DSCAML1: variants seen among roughly 807,000 people sequenced by gnomAD.
DSCAML1 encodes DS cell adhesion molecule like 1, also known as cell adhesion molecule DSCAML1.
DSCAML1 carries 38 observed loss-of-function variants against 200.5 expected under a neutral mutation model. The ratio of observed to expected loss-of-function variants is 0.19; its 90% confidence interval spans 0.15 to 0.25. The LOEUF (loss-of-function observed/expected upper bound fraction) is 0.25. Among genes scored for constraint, DSCAML1 ranks in the 10% least tolerant of loss-of-function variants. DSCAML1 has a pLI of 1.00. For synonymous variants in DSCAML1, 1,215 were observed against 1,165.0 expected (o/e 1.04, Z -0.87); for missense variants, 2,223 against 2,858.8 (o/e 0.78, Z 5.07).
chr11:117,564,797 G>A (rs987115974), intron 3 of DSCAML1, among the ~76,000 whole-genome samples: 1 of 141,644 alleles, frequency 7.1e-6, no homozygotes, highest in East Asian at 2.1e-4. Context: ...ATGGAGTCTC[G>A]CTCTGTCACC....
At chr11:117,540,517 AC>A (rs201535072) in intron 3 of DSCAML1, among the ~76,000 whole-genome samples, 2,954 of 152,222 alleles carry the variant, frequency 0.019, 62 homozygotes, top group South Asian at 0.091. Flanking sequence ...ACTGAACTTA[AC>A]CCTTAAAAAT....
chr11:117,481,755 G>T (rs757639303), intron 12 of DSCAML1, among the ~76,000 whole-genome samples: 134 of 152,122 alleles, frequency 8.8e-4, no homozygotes, highest in Non-Finnish European at 1.6e-3. Flanking sequence ...GATTGCTGTG[G>T]GGTTGTCAGA....
intron 3 of DSCAML1, among the ~76,000 whole-genome samples, chr11:117,676,806 G>A (rs189271807): frequency 1.3e-5 from 2 of 152,366 alleles, no homozygotes; most frequent in Admixed American, 6.5e-5. Context: ...AGAGGGCCCA[G>A]TGTTATGCCT....
intron 3 of DSCAML1, among the ~76,000 whole-genome samples, chr11:117,715,396 T>A (rs981413039): frequency 6.6e-6 from 1 of 152,182 alleles, no homozygotes; most frequent in African/African-American, 2.4e-5. Flanking sequence ...CGTAGCCCAG[T>A]CTCTGTATAG....
intron 3 of DSCAML1, among the ~76,000 whole-genome samples, chr11:117,589,495 G>A (rs1369707666): frequency 1.3e-5 from 2 of 152,086 alleles, no homozygotes; most frequent in African/African-American, 2.4e-5. Context: ...TCTTAGACAC[G>A]GCAAATGGTT....
At position 117,776,694 on chromosome 11, in the gene DSCAML1, T is replaced by C. The variant is rs569919064; in HGVS notation, c.511+97A>G. ...TCACTCCCCAGAGCCAACCTCAAGA[T>C]CTTATTGAGCTCAACAACCAGCTCA... On this transcript the variant is annotated intron_variant, in intron 3 of 32. Coordinates refer to ENST00000651296, the MANE Select transcript of DSCAML1 (RefSeq NM_020693.4). The C allele has an allele frequency of 2.3e-5, 33 of 1,446,314 alleles. No individual in the cohort carries two copies. In the African/African-American group the frequency reaches 2.4e-4, roughly 11 times the overall value. 89.6% of individuals were successfully genotyped at this position (1,446,314 alleles called of 1,614,324 possible).
At chr11:117,490,803 T>C (rs1293632402) in intron 11 of DSCAML1, among the ~76,000 whole-genome samples, 1 of 152,234 alleles carries the variant, frequency 6.6e-6, no homozygotes, top group Non-Finnish European at 1.5e-5. Context: ...TGTAGGTTTT[T>C]CTTCCTCACA....
chr11:117,761,812 A>G (rs1156602489), intron 3 of DSCAML1, among the ~76,000 whole-genome samples: 2 of 152,228 alleles, frequency 1.3e-5, no homozygotes, highest in African/African-American at 4.8e-5. Flanking sequence ...TGGAGGCTGC[A>G]GTGAGCTGAG....
intron 6 of DSCAML1, among the ~76,000 whole-genome samples, chr11:117,520,781 A>AGCATGGTGCATGGT (rs200250478): frequency 0.041 from 6,191 of 152,192 alleles, 182 homozygotes; most frequent in Middle Eastern, 0.11. Flanking sequence ...CTTGGACATT[A>AGCATGGTGCATGGT]GCATGGTGCA....
Position 117,518,907 on chromosome 11 carries a change from C to A in DSCAML1, c.1214-145G>T. ...TGTGTACATCAATTCTTCTGCTATC[C>A]GCAACCCCAAGTGGTGCCAGTTACT... On this transcript the variant is annotated intron_variant, in intron 6 of 32. Transcript: ENST00000651296. The surrounding 1 kb of genome is among the most constrained non-coding windows in gnomAD (Gnocchi z 6.3). 1 of 908,192 alleles carries A rather than the reference C, an allele frequency of 1.1e-6. No homozygotes were observed. The highest frequency in any genetic ancestry group is 1.8e-5 in the South Asian group (1 of 56,820). The allele number at this position is 908,192 out of a possible 1,614,324, so 56.3% of individuals were successfully genotyped here.
chr11:117,618,985 C>G (rs1367593191), intron 3 of DSCAML1, among the ~76,000 whole-genome samples: 1 of 152,228 alleles, frequency 6.6e-6, no homozygotes, highest in Non-Finnish European at 1.5e-5. Context: ...ATCCCAGGAT[C>G]AAGCCTTCCC....
intron 3 of DSCAML1, among the ~76,000 whole-genome samples, chr11:117,646,867 A>G (rs549839496): frequency 1.3e-5 from 2 of 151,826 alleles, no homozygotes; most frequent in Non-Finnish European, 2.9e-5. Flanking sequence ...AAAAAAAAAA[A>G]CAAATCCAGA....
intron 1 of DSCAML1, among the ~76,000 whole-genome samples, chr11:117,813,301 CA>C (rs1462655751): frequency 6.6e-6 from 1 of 152,166 alleles, no homozygotes; most frequent in Non-Finnish European, 1.5e-5. Context: ...GACACCAGAC[CA>C]ACTTCGACTG....
chr11:117,776,729 A>C (rs1266673755), intron 3 of DSCAML1, 62 bp downstream of exon 3: 128 of 1,598,466 alleles, frequency 8.0e-5, no homozygotes, highest in Non-Finnish European at 1.1e-4. Flanking sequence ...AGGCATCTCT[A>C]CTTTATCCAG....
intron 3 of DSCAML1, among the ~76,000 whole-genome samples, chr11:117,632,859 C>G (rs1190822224): frequency 6.6e-6 from 1 of 152,170 alleles, no homozygotes; most frequent in Non-Finnish European, 1.5e-5. Flanking sequence ...TCATTTAATT[C>G]TCTCAATAAA....
intron 11 of DSCAML1, among the ~76,000 whole-genome samples, chr11:117,496,306 C>T (rs1344108186): frequency 6.6e-6 from 1 of 152,132 alleles, no homozygotes; most frequent in Non-Finnish European, 1.5e-5. Context: ...GCTGGACACC[C>T]GGGGGCTGCT....
chr11:117,563,265 G>A (rs977326428), intron 3 of DSCAML1, among the ~76,000 whole-genome samples: 1 of 152,192 alleles, frequency 6.6e-6, no homozygotes, highest in South Asian at 2.1e-4. Context: ...AAAGGAAAGA[G>A]AGAGGGGAAA....
At chr11:117,795,990 C>T (rs1165547405) in intron 1 of DSCAML1, among the ~76,000 whole-genome samples, 2 of 152,216 alleles carry the variant, frequency 1.3e-5, no homozygotes, top group African/African-American at 4.8e-5. Context: ...AGCGTGTGTG[C>T]TCCACCACGC....
chr11:117,519,277 C>T (rs1219536379), intron 6 of DSCAML1, among the ~76,000 whole-genome samples: 1 of 152,184 alleles, frequency 6.6e-6, no homozygotes, highest in Non-Finnish European at 1.5e-5. Flanking sequence ...CTGCGTGGGG[C>T]CTCAGGAGGG....
Sources: allele counts gnomAD v4.1 joint callset (sites outside exome capture counted in the v4.1 genomes callset), GRCh38; gene constraint gnomAD v4.1.1; non-coding constraint Gnocchi (gnomAD v3.1); transcripts MANE v1.5; gene names NCBI Gene and HGNC (gene_info 2026-07-23, HGNC 2026-07-21).